ARID2: variants seen among roughly 807,000 people sequenced by gnomAD.
ARID2 encodes the protein AT-rich interaction domain 2, also known as AT-rich interactive domain-containing protein 2.
Under a neutral mutation model 184.6 loss-of-function variants are expected in ARID2, and 32 were observed. The observed-to-expected ratio is 0.17, with a 90% CI of 0.13 to 0.23. ARID2 has a LOEUF of 0.23. Among genes scored for constraint, ARID2 ranks in the 10% least tolerant of loss-of-function variants. The pLI, the probability that ARID2 is intolerant of heterozygous loss-of-function variation, is 1.00. For missense variants in ARID2, 1,696 were observed against 2,197.6 expected (o/e 0.77, Z 4.56); for synonymous variants, 836 against 772.6 (o/e 1.08, Z -1.36).
chr12:45,881,522 T>C (rs1474296135), intron 16 of ARID2: 1 of 153,202 alleles, frequency 6.5e-6, no homozygotes, highest in Non-Finnish European at 1.5e-5. Flanking sequence ...CATCGCATAT[T>C]GCGATGTATT....
intron 3 of ARID2, among the ~76,000 whole-genome samples, chr12:45,805,497 A>G (rs1421246449): frequency 2.6e-5 from 4 of 151,956 alleles, no homozygotes; most frequent in African/African-American, 9.7e-5. Context: ...ACCAATCACA[A>G]TTGCTTTCTC....
intron 16 of ARID2, chr12:45,874,193 C>G (rs1233597042): frequency 6.5e-6 from 1 of 152,836 alleles, no homozygotes; most frequent in Admixed American, 6.6e-5. Context: ...TAGGGACCAC[C>G]AGGTTGCCTA....
chr12:45,797,713 TA>T (rs927879377), intron 3 of ARID2, among the ~76,000 whole-genome samples: 1 of 151,878 alleles, frequency 6.6e-6, no homozygotes, highest in African/African-American at 2.4e-5. Context: ...TGGCATGAGG[TA>T]AAAAAAATTA....
chr12:45,819,829 C>T (rs1005975033), intron 5 of ARID2, among the ~76,000 whole-genome samples: 1 of 151,880 alleles, frequency 6.6e-6, no homozygotes, highest in Non-Finnish European at 1.5e-5. Flanking sequence ...CTGCAACCTC[C>T]GCCTCCAAGG....
rs187717167 is a variant in ARID2, at chr12:45,740,517, G to A, written c.284+9203G>A. ...TACACATACACACATTATCACTGTC[G>A]TTTATTCATTGGATATTATTACAGT... On this transcript the variant is annotated intron_variant, in intron 3 of 20. Transcript: ENST00000334344. 2.8e-4 allele frequency among the ~76,000 whole-genome samples: 43 copies of A among 152,092 alleles called. No homozygotes were observed. In the East Asian group the frequency reaches 5.4e-3, roughly 19 times the overall value.
chr12:45,789,642 T>TA (rs1285637553), intron 3 of ARID2: 2 of 152,198 alleles, frequency 1.3e-5, no homozygotes, highest in African/African-American at 4.8e-5. Context: ...AGAAATGTAT[T>TA]AATCTCCCAC....
rs373531380 is a variant in ARID2, at chr12:45,868,793, C to G, written c.4922+7844C>G. 2.2e-3 allele frequency among the ~76,000 whole-genome samples: 341 copies of G among 152,274 alleles called. 12 individuals carry two copies. The South Asian group carries it at 0.067, about 30-fold the overall frequency. The stretch of plus-strand genomic sequence containing the variant: ...AAATGCTGTGCCTATTTCTGGATCA[C>G]TTGTTATCCCCTTGATCTCTGTCCT... On this transcript the variant is annotated intron_variant, in intron 16 of 20. Coordinates refer to ENST00000334344, the MANE Select transcript of ARID2 (RefSeq NM_152641.4).
At chr12:45,753,346 A>AT (rs1201114530) in intron 3 of ARID2, among the ~76,000 whole-genome samples, 1 of 151,538 alleles carries the variant, frequency 6.6e-6, no homozygotes, top group Non-Finnish European at 1.5e-5. Flanking sequence ...TAGCGTAGTG[A>AT]TTTAGGAGTT....
Position 45,855,919 on chromosome 12 carries a change from G to C in ARID2, c.4773+3023G>C, listed in dbSNP as rs548848430. ...TTATGTTTTATTTTTGTAGAGTTGG[G>C]ATCTCCCTATGTTGCCCAGGCTGGT... On this transcript the variant is annotated intron_variant, in intron 15 of 20. Transcript: ENST00000334344. Among the ~76,000 whole-genome samples, 4 of 152,036 alleles carry C rather than the reference G, an allele frequency of 2.6e-5. No homozygotes were observed. In the South Asian group the frequency reaches 8.3e-4, roughly 32 times the overall value.
intron 3 of ARID2, among the ~76,000 whole-genome samples, chr12:45,736,443 A>AGTT (rs1435829247): frequency 6.6e-6 from 1 of 152,222 alleles, no homozygotes; most frequent in Non-Finnish European, 1.5e-5. Context: ...GGAAAAACAC[A>AGTT]GTTTTAACTG....
At chr12:45,742,467 A>C (rs1201804408) in intron 3 of ARID2, among the ~76,000 whole-genome samples, 2 of 152,158 alleles carry the variant, frequency 1.3e-5, no homozygotes, top group Non-Finnish European at 2.9e-5. Context: ...TGAATTATGA[A>C]ATTCAACAAA....
At chr12:45,746,100 A>ATTTTTTTT (rs34374158) in intron 3 of ARID2, among the ~76,000 whole-genome samples, 42 of 140,226 alleles carry the variant, frequency 3.0e-4, no homozygotes, top group African/African-American at 1.1e-3. Context: ...TTCTGGTTTG[A>ATTTTTTTT]TTTTTTTTTT....
intron 4 of ARID2, among the ~76,000 whole-genome samples, chr12:45,817,170 C>T (rs1444249798): frequency 6.6e-6 from 1 of 152,044 alleles, no homozygotes; most frequent in Non-Finnish European, 1.5e-5. Flanking sequence ...CCAGCCCGGG[C>T]AACATAGGGA....
intron 3 of ARID2, among the ~76,000 whole-genome samples, chr12:45,736,403 A>T (rs1305308038): frequency 1.3e-5 from 2 of 152,146 alleles, no homozygotes; most frequent in Non-Finnish European, 2.9e-5. Context: ...TATATTCTCA[A>T]ACTGAATGAA....
chr12:45,791,432 C>G (rs1461101467), intron 3 of ARID2, among the ~76,000 whole-genome samples: 1 of 152,014 alleles, frequency 6.6e-6, no homozygotes, highest in Admixed American at 6.6e-5. Context: ...AAGTTTTATC[C>G]TTAATATATC....
chr12:45,781,695 T>C (rs1231104562), intron 3 of ARID2, among the ~76,000 whole-genome samples: 1 of 152,066 alleles, frequency 6.6e-6, no homozygotes, highest in Non-Finnish European at 1.5e-5. Flanking sequence ...CAGGGCTGTA[T>C]TTCACCAACT....
At chr12:45,802,590 C>T (rs1368925362) in intron 3 of ARID2, among the ~76,000 whole-genome samples, 1 of 151,440 alleles carries the variant, frequency 6.6e-6, no homozygotes, top group African/African-American at 2.4e-5. Context: ...TAAGATATTG[C>T]TCATCATCTA....
chr12:45,756,925 C>T (rs993773649), intron 3 of ARID2, among the ~76,000 whole-genome samples: 3 of 152,018 alleles, frequency 2.0e-5, no homozygotes, highest in Admixed American at 2.0e-4. Context: ...AGAGCAGAGG[C>T]GGTTGTAATA....
Position 45,837,763 on chromosome 12 carries a change from G to A in ARID2, c.1330+56G>A, listed in dbSNP as rs1943247724. 4 of 1,513,994 alleles carry A rather than the reference G, an allele frequency of 2.6e-6. No homozygotes were observed. The East Asian group carries it at 9.2e-5, about 35-fold the overall frequency. 93.8% of individuals were successfully genotyped at this position (1,513,994 alleles called of 1,614,324 possible). ...TTTATTGAGTAAAAGTGTTTAATAT[G>A]GTACTGTACAAAACCCTCAATTTAT... On this transcript the variant is annotated intron_variant, in intron 10 of 20. Transcript: ENST00000334344.
Sources: allele counts gnomAD v4.1 joint callset (sites outside exome capture counted in the v4.1 genomes callset), GRCh38; gene constraint gnomAD v4.1.1; transcripts MANE v1.5; gene names NCBI Gene and HGNC (gene_info 2026-07-23, HGNC 2026-07-21).